PCID2: variants seen among roughly 807,000 people sequenced by gnomAD.
The protein encoded by PCID2 is PCI domain-containing protein 2.
In PCID2, 41 loss-of-function variants were observed where a neutral mutation model predicts 61.3. That is an observed-to-expected ratio of 0.67 (90% CI 0.52 to 0.87). PCID2 has a LOEUF of 0.87. Ranked by LOEUF, PCID2 falls within the 40% of genes least tolerant of loss-of-function variation. PCID2 has a pLI of 0.00. For missense variants in PCID2, 392 were observed against 493.4 expected (o/e 0.79, Z 1.95); for synonymous variants, 187 against 177.8 (o/e 1.05, Z -0.41).
At chr13:113,173,799 A>T (rs922885533), downstream of PCID2, among the ~76,000 whole-genome samples, 1 of 152,208 alleles carries the variant, frequency 6.6e-6, no homozygotes, top group Non-Finnish European at 1.5e-5. Context: ...CACTGCTTTA[A>T]ATGCCTACTA....
At chr13:113,176,157 C>T (rs560897258), downstream of PCID2, among the ~76,000 whole-genome samples, 11 of 152,146 alleles carry the variant, frequency 7.2e-5, no homozygotes, top group Non-Finnish European at 1.3e-4. Context: ...CCGCGCGGCC[C>T]GGAGAGAGAG....
chr13:113,201,750 T>C (rs1426188320), intron 1 of PCID2, among the ~76,000 whole-genome samples: 2 of 144,184 alleles, frequency 1.4e-5, no homozygotes, highest in Middle Eastern at 3.7e-3. Context: ...AGGCGGAGCT[T>C]GCATGCAGTG....
the PCID2 span, among the ~76,000 whole-genome samples, chr13:113,167,796 G>A: frequency 3.3e-5 from 5 of 149,488 alleles, no homozygotes; most frequent in African/African-American, 4.9e-5. Flanking sequence ...TGTAATTGTC[G>A]ATATGTTTAC....
the PCID2 span, among the ~76,000 whole-genome samples, chr13:113,167,394 C>T: frequency 2.0e-5 from 3 of 152,228 alleles, no homozygotes; most frequent in Non-Finnish European, 2.9e-5. Flanking sequence ...CACTTTCTCA[C>T]TTGGCTCAGC....
rs1318288724 is a variant in PCID2 at position 113,181,090 on chromosome 13, A to G, written c.786+40T>C. On this transcript the variant is annotated intron_variant, in intron 10 of 13. Coordinates refer to ENST00000337344, the MANE Select transcript of PCID2 (RefSeq NM_001127202.4). ...AACCTATCAGCTGTCAACTTTGTGAAAGCACCAGGATCTATAAACATGGAG... is the reference window on the plus strand; with the variant it reads ...AACCTATCAGCTGTCAACTTTGTGAGAGCACCAGGATCTATAAACATGGAG... 2.2e-6 allele frequency: 3 copies of G among 1,338,778 alleles called. No homozygotes were observed. The East Asian group carries it at 6.9e-5, about 31-fold the overall frequency. The allele number at this position is 1,338,778 out of a possible 1,614,324, so 82.9% of individuals were successfully genotyped here.
intron 1 of PCID2, among the ~76,000 whole-genome samples, chr13:113,206,742 C>T (rs1472090726): frequency 6.6e-6 from 1 of 152,228 alleles, no homozygotes; most frequent in African/African-American, 2.4e-5. Context: ...ATATTTTTAT[C>T]CATCAGAATT....
chr13:113,184,362 G>A lies in PCID2; in HGVS notation c.669C>T (p.Asp223=). 2 of 1,613,296 alleles carry A rather than the reference G, an allele frequency of 1.2e-6. No homozygotes were observed. The highest frequency in any genetic ancestry group is 1.7e-6 in the Non-Finnish European group (2 of 1,179,374). ...KYYVGRKAMF[D]SDFKQAEEYL... is the part of the protein sequence containing the mutation. ...GCAACATACCTTGCTTAAAATCGCTGTCAAACATAGCCTTGCGTCCAACGT... is the reference window on the plus strand; with the variant it reads ...GCAACATACCTTGCTTAAAATCGCTATCAAACATAGCCTTGCGTCCAACGT... The change falls in exon 9 of 14, where the codon GAC becomes GAT. Residue 223 remains aspartate, a synonymous_variant. Coordinates refer to ENST00000337344, the MANE Select transcript of PCID2 (RefSeq NM_001127202.4).
At chr13:113,167,948 C>T in the PCID2 span, among the ~76,000 whole-genome samples, 2 of 152,012 alleles carry the variant, frequency 1.3e-5, no homozygotes, top group East Asian at 1.9e-4. Flanking sequence ...TCTTTGTTGG[C>T]GGTTGCTTCA....
chr13:113,204,880 C>T (rs934150931), intron 1 of PCID2, among the ~76,000 whole-genome samples: 3 of 152,168 alleles, frequency 2.0e-5, no homozygotes, highest in Admixed American at 1.3e-4. Context: ...GAGCCTTCAG[C>T]CCTCAATGGG....
Position 113,200,535 on chromosome 13 carries a change from A to G in PCID2, c.37-19T>C. 1 of 1,504,074 alleles carries G rather than the reference A, an allele frequency of 6.6e-7. No individual in the cohort carries two copies. The highest frequency in any genetic ancestry group is 1.1e-5 in the South Asian group (1 of 88,718). 93.2% of individuals were successfully genotyped at this position (1,504,074 alleles called of 1,614,324 possible). A position where few individuals can be genotyped will look rare whatever the true frequency, so the allele number is the denominator to read the frequency against. On this transcript the variant is annotated intron_variant, in intron 1 of 13. Coordinates refer to ENST00000337344, the MANE Select transcript of PCID2 (RefSeq NM_001127202.4). Reference sequence around the variant, plus strand: ...CGTACACCTGAAACATTTGAAAGGGAAACCTAAGTAGAAAATAAAATATTC... The same window carrying G: ...CGTACACCTGAAACATTTGAAAGGGGAACCTAAGTAGAAAATAAAATATTC...
chr13:113,198,160 T>C, intron 3 of PCID2, 31 bp downstream of exon 3: 1 of 1,384,228 alleles, frequency 7.2e-7, no homozygotes, highest in Non-Finnish European at 1.0e-6. Context: ...TTTCCAGATG[T>C]GTGTGTTTTT....
the PCID2 span, chr13:113,170,460 A>G: frequency 3.1e-6 from 5 of 1,611,212 alleles, no homozygotes; most frequent in African/African-American, 4.0e-5. Flanking sequence ...GTGGTGTTAT[A>G]ATACGGGAAA....
At chr13:113,172,432 T>C in the PCID2 span, 1 of 375,794 alleles carries the variant, frequency 2.7e-6, no homozygotes, top group Non-Finnish European at 5.1e-6. Context: ...CAGTGTTCCC[T>C]GTGCTCAGGG....
intron 7 of PCID2, chr13:113,185,937 G>A (rs887845550): frequency 3.5e-5 from 6 of 170,396 alleles, no homozygotes; most frequent in Admixed American, 1.8e-4. Flanking sequence ...TGTAATCCCA[G>A]CCACTCAGGA....
At chr13:113,183,681 T>C (rs2037844121) in intron 9 of PCID2, 2 of 775,668 alleles carry the variant, frequency 2.6e-6, no homozygotes, top group Non-Finnish European at 3.1e-6. Flanking sequence ...GAAGAAGAGT[T>C]TAAAGTCTGG....
At chr13:113,195,212 G>A in intron 5 of PCID2, 87 bp from the exon 6 acceptor site, 1 of 826,270 alleles carries the variant, frequency 1.2e-6, no homozygotes, top group Non-Finnish European at 2.2e-6. Flanking sequence ...GACACCCAGG[G>A]CTACTATCCA....
rs768432699 is a variant in PCID2, at chr13:113,208,050, G to T, written c.36+549C>A. ...AGCTGTTGAACAACATCTGTCAGAC[G>T]CATGTACCGAGCGATATGAAGTGTG... On this transcript the variant is annotated intron_variant, in intron 1 of 13. Transcript: ENST00000337344. 2.5e-6 allele frequency: 4 copies of T among 1,612,770 alleles called. No homozygotes were observed. The South Asian group carries it at 3.3e-5, about 13-fold the overall frequency.
At chr13:113,180,282 T>C in intron 10 of PCID2, 51 bp from the exon 11 acceptor site, 3 of 1,375,418 alleles carry the variant, frequency 2.2e-6, no homozygotes, top group Non-Finnish European at 3.1e-6. Flanking sequence ...GACAAAATTG[T>C]CCTTGATAAA....
chr13:113,166,893 G>A, the PCID2 span, among the ~76,000 whole-genome samples: 9 of 152,106 alleles, frequency 5.9e-5, no homozygotes, highest in Non-Finnish European at 1.0e-4. Flanking sequence ...GTCTGCAACC[G>A]TAGCACTCAT....
Sources: allele counts gnomAD v4.1 joint callset (sites outside exome capture counted in the v4.1 genomes callset), GRCh38; gene constraint gnomAD v4.1.1; transcripts MANE v1.5; gene names NCBI Gene and HGNC (gene_info 2026-07-23, HGNC 2026-07-21).